MAP2K4: variants seen among roughly 807,000 people sequenced by gnomAD.
MAP2K4 encodes the protein dual specificity mitogen-activated protein kinase kinase 4.
A neutral mutation model predicts 48.5 loss-of-function variants in MAP2K4; 4 were observed. That is an observed-to-expected ratio of 0.08 (90% CI 0.04 to 0.19). The LOEUF (loss-of-function observed/expected upper bound fraction) is 0.19. Ranked by LOEUF, MAP2K4 falls within the 10% of genes least tolerant of loss-of-function variation. The pLI is 1.00. For missense variants in MAP2K4, 258 were observed against 493.3 expected, an observed-to-expected ratio of 0.52 and a Z score of 4.52; for synonymous variants, 166 against 173.1, an observed-to-expected ratio of 0.96 and a Z score of 0.32.
chr17:12,121,406 T>C (rs1972683611), intron 7 of MAP2K4, among the ~76,000 whole-genome samples: 1 of 151,986 alleles, frequency 6.6e-6, no homozygotes, highest in African/African-American at 2.4e-5. Context: ...TTCCCATATG[T>C]CAAAAAAACT....
At chr17:12,072,316 A>G (rs1970843799) in intron 2 of MAP2K4, among the ~76,000 whole-genome samples, 1 of 152,196 alleles carries the variant, frequency 6.6e-6, no homozygotes, top group African/African-American at 2.4e-5. Flanking sequence ...CAGAGGAGGA[A>G]CATGAAGCCC....
chr17:12,047,138 G>A (rs1400869104), intron 1 of MAP2K4, among the ~76,000 whole-genome samples: 1 of 152,030 alleles, frequency 6.6e-6, no homozygotes, highest in Non-Finnish European at 1.5e-5. Flanking sequence ...GCCAGAGGTC[G>A]GAAATGCTGA....
intron 3 of MAP2K4, among the ~76,000 whole-genome samples, chr17:12,086,723 A>G (rs1260912439): frequency 6.6e-6 from 1 of 152,160 alleles, no homozygotes; most frequent in Admixed American, 6.5e-5. Context: ...GAACATTCTA[A>G]AGATCTGGTT....
intron 4 of MAP2K4, among the ~76,000 whole-genome samples, chr17:12,105,548 T>C (rs191249677): frequency 2.5e-3 from 382 of 152,206 alleles, no homozygotes; most frequent in Middle Eastern, 0.02. Flanking sequence ...CAGCTTTTTT[T>C]CCCCCAATAA....
intron 1 of MAP2K4, among the ~76,000 whole-genome samples, chr17:12,042,419 G>GTT (rs1295675024): frequency 6.6e-6 from 1 of 152,088 alleles, no homozygotes; most frequent in Non-Finnish European, 1.5e-5. Flanking sequence ...GGAGGGTGGA[G>GTT]AGAAGTCAGC....
At chr17:12,089,518 AC>A (rs1205473400) in intron 3 of MAP2K4, among the ~76,000 whole-genome samples, 1 of 152,104 alleles carries the variant, frequency 6.6e-6, no homozygotes, top group Non-Finnish European at 1.5e-5. Flanking sequence ...TGAATTCGTT[AC>A]CTTGCTGAGT....
chr17:12,057,964 T>G (rs1193419789), intron 2 of MAP2K4, among the ~76,000 whole-genome samples: 3 of 152,110 alleles, frequency 2.0e-5, no homozygotes, highest in African/African-American at 7.2e-5. Context: ...TTATAATTTT[T>G]TTTTCATGTC....
At chr17:12,127,678 A>G (rs981168685) in intron 8 of MAP2K4, among the ~76,000 whole-genome samples, 2 of 152,198 alleles carry the variant, frequency 1.3e-5, no homozygotes, top group Admixed American at 6.5e-5. Flanking sequence ...TTTTCCTTCT[A>G]TTATTAAAAC....
intron 3 of MAP2K4, among the ~76,000 whole-genome samples, chr17:12,085,855 A>T (rs147671800): frequency 1.6e-4 from 24 of 151,490 alleles, no homozygotes; most frequent in Non-Finnish European, 3.0e-4. Context: ...TATGGTGAGT[A>T]TGGGAAGTCA....
At chr17:12,132,717 GA>G (rs1257344162) in intron 9 of MAP2K4, among the ~76,000 whole-genome samples, 2 of 152,046 alleles carry the variant, frequency 1.3e-5, no homozygotes, top group Non-Finnish European at 1.5e-5. Context: ...TTGATAAAAA[GA>G]ATTTACAGAC....
chr17:12,072,891 C>G (rs1970865787), intron 2 of MAP2K4, among the ~76,000 whole-genome samples: 1 of 152,106 alleles, frequency 6.6e-6, no homozygotes, highest in Admixed American at 6.5e-5. Context: ...GTTCAAAACA[C>G]AACTCACATA....
At chr17:12,044,436 T>C (rs774295354) in intron 1 of MAP2K4, among the ~76,000 whole-genome samples, 4 of 152,224 alleles carry the variant, frequency 2.6e-5, no homozygotes, top group African/African-American at 9.6e-5. Context: ...GTTAATTACT[T>C]ATGACTTATG....
At chr17:12,025,206 C>G (rs1969217835) in intron 1 of MAP2K4, among the ~76,000 whole-genome samples, 1 of 152,174 alleles carries the variant, frequency 6.6e-6, no homozygotes, top group Non-Finnish European at 1.5e-5. Context: ...CTGCTGTTTA[C>G]AAACACTGAG....
intron 4 of MAP2K4, among the ~76,000 whole-genome samples, chr17:12,097,426 G>A (rs1444104426): frequency 6.6e-6 from 1 of 152,242 alleles, no homozygotes; most frequent in Non-Finnish European, 1.5e-5. Flanking sequence ...GCTAGATAGT[G>A]TGGGAATCTG....
intron 1 of MAP2K4, among the ~76,000 whole-genome samples, chr17:12,048,571 A>G (rs768379203): frequency 6.6e-6 from 1 of 152,206 alleles, no homozygotes; most frequent in Non-Finnish European, 1.5e-5. Flanking sequence ...ATATAATATT[A>G]GCTGATAGCA....
intron 1 of MAP2K4, among the ~76,000 whole-genome samples, chr17:12,041,987 C>T (rs1292974432): frequency 6.6e-6 from 1 of 151,740 alleles, no homozygotes; most frequent in Non-Finnish European, 1.5e-5. Flanking sequence ...TTGAGACCAG[C>T]CTGGCCAACA....
intron 3 of MAP2K4, among the ~76,000 whole-genome samples, chr17:12,088,564 ATT>A (rs1455439669): frequency 1.2e-4 from 3 of 26,022 alleles, no homozygotes; most frequent in East Asian, 4.7e-3. Context: ...TATAATATAT[ATT>A]AAATATATAA....
chr17:12,072,561 T>C (rs1010155375), intron 2 of MAP2K4, among the ~76,000 whole-genome samples: 3 of 152,202 alleles, frequency 2.0e-5, no homozygotes, highest in Admixed American at 6.5e-5. Flanking sequence ...CTTTTAACTT[T>C]TAATTTTTCT....
intron 5 of MAP2K4, among the ~76,000 whole-genome samples, chr17:12,108,723 T>C (rs937927023): frequency 6.6e-6 from 1 of 152,066 alleles, no homozygotes; most frequent in East Asian, 1.9e-4. Context: ...TTGCATGTAA[T>C]TTCCTAGCTC....
Sources: allele counts gnomAD v4.1 joint callset (sites outside exome capture counted in the v4.1 genomes callset), GRCh38; gene constraint gnomAD v4.1.1; transcripts MANE v1.5; gene names NCBI Gene and HGNC (gene_info 2026-07-23, HGNC 2026-07-21).